The following PRKN variants were observed in gnomAD, a reference collection of about 807,000 sequenced individuals.
PRKN encodes the protein parkin RBR E3 ubiquitin protein ligase.
In PRKN, 56 loss-of-function variants were observed where a neutral mutation model predicts 59.5. The ratio of observed to expected loss-of-function variants is 0.94; its 90% CI spans 0.76 to 1.18. The LOEUF is 1.18. Among genes scored for constraint, PRKN ranks in the 50% most tolerant of loss-of-function variants. The pLI, the probability that PRKN is intolerant of heterozygous loss-of-function variation, is 0.00. For missense variants in PRKN, 657 were observed against 596.4 expected (o/e 1.10, Z -1.06); for synonymous variants, 250 against 222.1 (o/e 1.13, Z -1.12).
At chr6:161,641,171 C>T (rs891941244) in intron 7 of PRKN, among the ~76,000 whole-genome samples, 3 of 152,194 alleles carry the variant, frequency 2.0e-5, no homozygotes, top group African/African-American at 4.8e-5. Context: ...AAACAAACCC[C>T]CTTCCTGCCT....
At position 161,462,584 on chromosome 6, in the gene PRKN, T is replaced by G. The variant is rs147375572; in HGVS notation, c.1084-75707A>C. On this transcript the variant is annotated intron_variant, in intron 9 of 11. Transcript: ENST00000366898. This position sits in a 1 kb window ranked among gnomAD's most constrained non-coding sequence, Gnocchi z 4.5. Reference sequence around the variant, plus strand: ...CATGATGTCTGATCAGCAATATAGCTCACCCTTATTTTAAAAGGTCTACTT... The same window carrying G: ...CATGATGTCTGATCAGCAATATAGCGCACCCTTATTTTAAAAGGTCTACTT... Among the ~76,000 whole-genome samples the G allele has an allele frequency of 5.0e-3, 764 of 152,106 alleles. 7 individuals are homozygous for G. Among genetic ancestry groups the G allele is most frequent in the African/African-American group, 0.018 (728 of 41,400 alleles).
chr6:162,720,503 T>C (rs1487076784), intron 1 of PRKN, among the ~76,000 whole-genome samples: 2 of 143,938 alleles, frequency 1.4e-5, no homozygotes, highest in African/African-American at 5.2e-5. Context: ...GACTGCGGAC[T>C]GCAGTGGCGC....
Position 161,560,167 on chromosome 6 carries a change from T to C in PRKN, c.933+9188A>G, listed in dbSNP as rs1209152044. ...GCTTCCCTCTCTCCTAAGCCTTTTT[T>C]CTGTGTCCCCTGAAATTCCTGTTCA... On this transcript the variant is annotated intron_variant, in intron 8 of 11. Coordinates refer to ENST00000366898, the MANE Select transcript of PRKN (RefSeq NM_004562.3). This position sits in a 1 kb window ranked among gnomAD's most constrained non-coding sequence, Gnocchi z 4.9. 6.6e-6 allele frequency among the ~76,000 whole-genome samples: 1 copy of C among 152,192 alleles called. No homozygotes were observed. Among genetic ancestry groups the C allele is most frequent in the Non-Finnish European group, 1.5e-5 (1 of 68,030 alleles).
intron 6 of PRKN, among the ~76,000 whole-genome samples, chr6:161,869,482 C>T (rs192036153): frequency 7.4e-4 from 112 of 152,236 alleles, no homozygotes; most frequent in African/African-American, 2.5e-3. Flanking sequence ...CTGATAAATA[C>T]GAGGCCAAGA....
chr6:162,431,369 T>C (rs1789521349), intron 2 of PRKN, among the ~76,000 whole-genome samples: 1 of 152,120 alleles, frequency 6.6e-6, no homozygotes, highest in Non-Finnish European at 1.5e-5. Flanking sequence ...TGTCAGTCCT[T>C]TACATTTAGT....
intron 11 of PRKN, among the ~76,000 whole-genome samples, chr6:161,351,511 G>C (rs184145628): frequency 1.2e-4 from 19 of 152,116 alleles, no homozygotes; most frequent in Non-Finnish European, 4.4e-5. Context: ...TTTTCGTAGA[G>C]ACAGGGTTTT....
intron 7 of PRKN, among the ~76,000 whole-genome samples, chr6:161,629,593 C>A (rs1212617934): frequency 4.6e-5 from 7 of 152,146 alleles, no homozygotes; most frequent in Non-Finnish European, 2.9e-5. Flanking sequence ...CTGCCAACCT[C>A]CCACCTCCTG....
At chr6:162,310,667 C>G (rs1414179229) in intron 2 of PRKN, among the ~76,000 whole-genome samples, 1 of 151,806 alleles carries the variant, frequency 6.6e-6, no homozygotes, top group Non-Finnish European at 1.5e-5. Context: ...ATGGGTGCAG[C>G]ACACCAACAT....
intron 7 of PRKN, among the ~76,000 whole-genome samples, chr6:161,573,753 A>T (rs868202529): frequency 0.37 from 8,755 of 23,804 alleles, 999 homozygotes; most frequent in Non-Finnish European, 0.39. Context: ...AAAAAAAAAA[A>T]AAATATATAT....
intron 5 of PRKN, among the ~76,000 whole-genome samples, chr6:162,038,137 T>C (rs77637059): frequency 0.012 from 1,884 of 152,132 alleles, 29 homozygotes; most frequent in African/African-American, 0.043. Flanking sequence ...TTATTATCTA[T>C]GTCATAATAA....
At chr6:161,713,107 T>C (rs1786821791) in intron 7 of PRKN, among the ~76,000 whole-genome samples, 1 of 152,162 alleles carries the variant, frequency 6.6e-6, no homozygotes. Flanking sequence ...ATTAATTTGC[T>C]GGAACAGTTC....
intron 7 of PRKN, among the ~76,000 whole-genome samples, chr6:161,636,100 T>A (rs992066886): frequency 1.3e-5 from 2 of 152,198 alleles, no homozygotes; most frequent in African/African-American, 4.8e-5. Flanking sequence ...GAGCAGGCCG[T>A]TGTGCTGAGG....
At chr6:161,681,465 T>TC (rs1398436073) in intron 7 of PRKN, among the ~76,000 whole-genome samples, 1 of 152,032 alleles carries the variant, frequency 6.6e-6, no homozygotes, top group African/African-American at 2.4e-5. Context: ...TTTTTTTTTT[T>TC]CTCCTGATTG....
intron 4 of PRKN, among the ~76,000 whole-genome samples, chr6:162,092,832 T>C (rs1417980973): frequency 6.6e-6 from 1 of 152,192 alleles, no homozygotes; most frequent in Non-Finnish European, 1.5e-5. Context: ...AAGTAGAAAA[T>C]TAGTCTTCTG....
intron 7 of PRKN, among the ~76,000 whole-genome samples, chr6:161,650,807 T>C (rs1365599083): frequency 6.6e-6 from 1 of 152,140 alleles, no homozygotes; most frequent in Non-Finnish European, 1.5e-5. Context: ...TTGGAGAATG[T>C]TTACTAAATG....
intron 4 of PRKN, among the ~76,000 whole-genome samples, chr6:162,082,073 C>T (rs1017949384): frequency 1.3e-5 from 2 of 152,060 alleles, no homozygotes; most frequent in Admixed American, 6.5e-5. Context: ...TTGGCTGTGT[C>T]CCCACCCAAA....
chr6:161,431,604 CTTTTCT>C (rs923900694), intron 9 of PRKN, among the ~76,000 whole-genome samples: 5 of 151,096 alleles, frequency 3.3e-5, no homozygotes, highest in African/African-American at 1.2e-4. Context: ...TCTTTCTTTT[CTTTTCT>C]TTTTCTTTTT....
intron 1 of PRKN, among the ~76,000 whole-genome samples, chr6:162,559,466 T>G (rs9347666): frequency 0.31 from 46,859 of 151,988 alleles, 7,678 homozygotes; most frequent in East Asian, 0.5. Flanking sequence ...TAGTTATCAT[T>G]TAGGTTCACC....
chr6:162,221,537 C>T (rs181634779), intron 3 of PRKN, among the ~76,000 whole-genome samples: 1 of 152,282 alleles, frequency 6.6e-6, no homozygotes, highest in Admixed American at 6.5e-5. Flanking sequence ...GAACTCTGAA[C>T]ATTCCCATTG....
Sources: allele counts gnomAD v4.1 joint callset (sites outside exome capture counted in the v4.1 genomes callset), GRCh38; gene constraint gnomAD v4.1.1; non-coding constraint Gnocchi (gnomAD v3.1); transcripts MANE v1.5; gene names NCBI Gene and HGNC (gene_info 2026-07-23, HGNC 2026-07-21).